HTR7: variants seen among roughly 807,000 people sequenced by gnomAD.
HTR7 encodes the protein 5-hydroxytryptamine receptor 7, also known as 5-HT-7.
Under a neutral mutation model 34.0 loss-of-function variants are expected in HTR7, and 16 were observed. That is an observed-to-expected ratio of 0.47 (90% confidence interval 0.32 to 0.71). The LOEUF is 0.71. Among genes scored for constraint, HTR7 ranks in the 30% least tolerant of loss-of-function variants. The probability of loss-of-function intolerance (pLI) is 0.04; values close to 1 mark genes in which losing one functional copy is unlikely to be tolerated. For missense variants in HTR7, 504 were observed against 625.5 expected, an observed-to-expected ratio of 0.81 and a Z score of 2.07; for synonymous variants, 265 against 260.2, an observed-to-expected ratio of 1.02 and a Z score of -0.18.
intron 1 of HTR7, among the ~76,000 whole-genome samples, chr10:90,773,803 T>G (rs1260691352): frequency 2.6e-5 from 4 of 152,226 alleles, no homozygotes; most frequent in Non-Finnish European, 4.4e-5. Flanking sequence ...TATGGTTGAA[T>G]AGTACTGCAT....
At chr10:90,840,819 GAC>G (rs1846318450) in intron 1 of HTR7, among the ~76,000 whole-genome samples, 1 of 152,182 alleles carries the variant, frequency 6.6e-6, no homozygotes, top group Non-Finnish European at 1.5e-5. Context: ...TGTCATAGAT[GAC>G]TATCCTGAAA....
chr10:90,830,028 A>G (rs1045183561), intron 1 of HTR7, among the ~76,000 whole-genome samples: 1 of 152,242 alleles, frequency 6.6e-6, no homozygotes, highest in Non-Finnish European at 1.5e-5. Flanking sequence ...TACAGATTCA[A>G]TGCAATCCAT....
intron 1 of HTR7, among the ~76,000 whole-genome samples, chr10:90,777,165 A>G (rs538714641): frequency 8.5e-5 from 13 of 152,276 alleles, no homozygotes; most frequent in African/African-American, 2.4e-4. Flanking sequence ...TCCCATTTTT[A>G]AAAGACTTAC....
chr10:90,794,318 C>A (rs1191383522), intron 1 of HTR7, among the ~76,000 whole-genome samples: 1 of 152,094 alleles, frequency 6.6e-6, no homozygotes, highest in East Asian at 1.9e-4. Context: ...TTCTTGAATA[C>A]CTCCTTAAGG....
chr10:90,829,302 G>T (rs1229128487), intron 1 of HTR7, among the ~76,000 whole-genome samples: 2 of 152,108 alleles, frequency 1.3e-5, no homozygotes, highest in Non-Finnish European at 2.9e-5. Context: ...TACTGAATGG[G>T]GAACAAGTGA....
Position 90,817,714 on chromosome 10 carries a change from G to A in HTR7, c.539+39419C>T, listed in dbSNP as rs569617601. Among the ~76,000 whole-genome samples, 3 of 152,330 alleles carry A rather than the reference G, an allele frequency of 2.0e-5. No individual in the cohort carries two copies. The East Asian group carries it at 5.8e-4, about 29-fold the overall frequency. On this transcript the variant is annotated intron_variant, in intron 1 of 3. Transcript: ENST00000336152. ...GGCTCAATAAACCTCAATGATTTGA[G>A]ACTTGTGCCTTAATCACTCATTTCG...
chr10:90,775,897 G>A (rs2119824895), intron 1 of HTR7, among the ~76,000 whole-genome samples: 1 of 152,312 alleles, frequency 6.6e-6, no homozygotes, highest in South Asian at 2.1e-4. Context: ...AGAGCCATAT[G>A]TGTATTTTGA....
In HTR7 at chr10:90,748,815, G is replaced by T. The variant is rs759528885; in HGVS notation, c.1295+24C>A. On this transcript the variant is annotated intron_variant, in intron 2 of 3. Coordinates refer to ENST00000336152, the MANE Select transcript of HTR7 (RefSeq NM_019859.4). The stretch of plus-strand genomic sequence containing the variant: ...CATAAAAGGGTTTGGGGGATAAAAG[G>T]AAAATAGTGATAAATGACCTTACAG... The T allele has an allele frequency of 1.9e-6, 3 of 1,585,388 alleles. No individual in the cohort carries two copies. The South Asian group carries it at 3.4e-5, about 18-fold the overall frequency.
intron 1 of HTR7, among the ~76,000 whole-genome samples, chr10:90,831,850 C>T (rs1437284960): frequency 6.6e-6 from 1 of 152,092 alleles, no homozygotes. Flanking sequence ...ATTTACAATC[C>T]CTTGAGTTAG....
At chr10:90,803,161 A>C (rs1420279837) in intron 1 of HTR7, among the ~76,000 whole-genome samples, 5 of 152,062 alleles carry the variant, frequency 3.3e-5, no homozygotes, top group Non-Finnish European at 5.9e-5. Context: ...GAGTAAGACT[A>C]AAAGTTTATT....
At chr10:90,772,537 G>A (rs75661752) in intron 1 of HTR7, among the ~76,000 whole-genome samples, 26 of 151,874 alleles carry the variant, frequency 1.7e-4, no homozygotes, top group Non-Finnish European at 2.4e-4. Context: ...TTCACATGAC[G>A]TATCTTTAAA....
At chr10:90,822,298 T>G (rs1845996601) in intron 1 of HTR7, among the ~76,000 whole-genome samples, 1 of 152,172 alleles carries the variant, frequency 6.6e-6, no homozygotes, top group Admixed American at 6.5e-5. Flanking sequence ...TATTAGGAAC[T>G]GAAGTAAAGG....
intron 1 of HTR7, among the ~76,000 whole-genome samples, chr10:90,757,534 C>T (rs548648120): frequency 2.0e-5 from 3 of 152,146 alleles, no homozygotes; most frequent in Non-Finnish European, 4.4e-5. Context: ...CACTCAGCTG[C>T]GGTAGAATCT....
chr10:90,816,594 T>C (rs1174766610), intron 1 of HTR7, among the ~76,000 whole-genome samples: 2 of 152,240 alleles, frequency 1.3e-5, no homozygotes, highest in East Asian at 3.8e-4. Context: ...GACATATAAA[T>C]TCTCTTTTGT....
chr10:90,779,922 C>T (rs1234881926), intron 1 of HTR7, among the ~76,000 whole-genome samples: 2 of 152,182 alleles, frequency 1.3e-5, no homozygotes, highest in African/African-American at 4.8e-5. Flanking sequence ...ATCCCCAACC[C>T]TTTTCTTGGT....
At chr10:90,823,681 G>C (rs1846024108) in intron 1 of HTR7, among the ~76,000 whole-genome samples, 1 of 152,162 alleles carries the variant, frequency 6.6e-6, no homozygotes, top group South Asian at 2.1e-4. Flanking sequence ...GAATGATAGA[G>C]TTTGGCTCTG....
At chr10:90,826,659 T>C (rs1846079935) in intron 1 of HTR7, among the ~76,000 whole-genome samples, 1 of 152,224 alleles carries the variant, frequency 6.6e-6, no homozygotes, top group Admixed American at 6.5e-5. Context: ...TGTTAAGTTG[T>C]CATAAGTTTA....
At position 90,857,030 on chromosome 10, in the gene HTR7, G is replaced by T; in HGVS notation, c.539+103C>A. The T allele has an allele frequency of 9.0e-7, 1 of 1,108,596 alleles. No homozygotes were observed. The highest frequency in any genetic ancestry group is 1.3e-6 in the Non-Finnish European group (1 of 786,744). 68.7% of individuals were successfully genotyped at this position (1,108,596 alleles called of 1,614,324 possible). A position where few individuals can be genotyped will look rare whatever the true frequency, so the allele number is the denominator to read the frequency against. On this transcript the variant is annotated intron_variant, in intron 1 of 3. Coordinates refer to ENST00000336152, the MANE Select transcript of HTR7 (RefSeq NM_019859.4). This position sits in a 1 kb window ranked among gnomAD's most constrained non-coding sequence, Gnocchi z 6.5. ...TGTTTTAAGCGCAGCCCTTCATCCC[G>T]CCTTGAAGTCTAGCTTGATCCTCCC...
chr10:90,811,552 C>T (rs1174038692), intron 1 of HTR7, among the ~76,000 whole-genome samples: 2 of 152,178 alleles, frequency 1.3e-5, no homozygotes, highest in Admixed American at 1.3e-4. Flanking sequence ...TGCTATAGTA[C>T]AAGCCACTAG....
Sources: gnomAD v4.1 joint callset for allele counts (sites outside exome capture counted in the v4.1 genomes callset) on GRCh38, gnomAD v4.1.1 for gene constraint, Gnocchi (gnomAD v3.1) non-coding constraint, MANE v1.5 for transcripts, NCBI Gene and HGNC (gene_info 2026-07-23, HGNC 2026-07-21) for gene names.